Variants in NCAM1 observed in about 807,000 individuals in gnomAD.
NCAM1 encodes neural cell adhesion molecule 1.
In NCAM1, 14 loss-of-function variants were observed where a neutral mutation model predicts 109.8. The observed-to-expected ratio is 0.13, with a 90% CI of 0.08 to 0.20. The LOEUF (loss-of-function observed/expected upper bound fraction) is 0.20, where lower values mean the gene tolerates loss of function less well. Ranked by LOEUF, NCAM1 falls within the 10% of genes least tolerant of loss-of-function variation. The pLI is 1.00. For synonymous variants in NCAM1, 418 were observed against 442.9 expected (o/e 0.94, Z 0.70); for missense variants, 774 against 1,109.9 (o/e 0.70, Z 4.30).
At chr11:113,225,081 G>A (rs1591435347) in intron 9 of NCAM1, among the ~76,000 whole-genome samples, 1 of 152,350 alleles carries the variant, frequency 6.6e-6, no homozygotes, top group Non-Finnish European at 1.5e-5. Context: ...AAGCTGGATG[G>A]AGAATGACTT....
intron 9 of NCAM1, among the ~76,000 whole-genome samples, chr11:113,229,919 A>T (rs1420630772): frequency 6.7e-6 from 1 of 149,750 alleles, no homozygotes; most frequent in Non-Finnish European, 1.5e-5. Flanking sequence ...AACATCACAC[A>T]CTGGGGCCTG....
chr11:113,261,800 T>A (rs1487642099), intron 17 of NCAM1, among the ~76,000 whole-genome samples: 1 of 152,088 alleles, frequency 6.6e-6, no homozygotes, highest in African/African-American at 2.4e-5. Flanking sequence ...TGGCAATTGC[T>A]CCCTGGGGTG....
intron 1 of NCAM1, among the ~76,000 whole-genome samples, chr11:113,129,649 C>T (rs1332590603): frequency 6.6e-6 from 1 of 152,150 alleles, no homozygotes; most frequent in East Asian, 1.9e-4. Context: ...TGATCTTTCT[C>T]TACTCATGCC....
Position 113,236,461 on chromosome 11 carries a change from T to G in NCAM1, c.1825+1297T>G. 3.5e-6 allele frequency: 3 copies of G among 857,710 alleles called. No homozygotes were observed. In the South Asian group the frequency reaches 4.7e-5, roughly 13 times the overall value. 53.1% of individuals were successfully genotyped at this position (857,710 alleles called of 1,614,324 possible). On this transcript the variant is annotated intron_variant, in intron 14 of 19. Transcript: ENST00000316851. ...TGGGCCCTAACCACACTGACCTTAGTCTAGTTGTGCTGTTGTTAACGTCTG... is the reference window on the plus strand; with the variant it reads ...TGGGCCCTAACCACACTGACCTTAGGCTAGTTGTGCTGTTGTTAACGTCTG...
At chr11:112,976,420 C>T (rs2155286) in intron 1 of NCAM1, among the ~76,000 whole-genome samples, 23,477 of 151,420 alleles carry the variant, frequency 0.16, 1,908 homozygotes, top group African/African-American at 0.21. Flanking sequence ...ATTAAATGTA[C>T]AAAGGAGGAG....
At chr11:113,093,619 C>G (rs749497522) in intron 1 of NCAM1, among the ~76,000 whole-genome samples, 29 of 152,128 alleles carry the variant, frequency 1.9e-4, no homozygotes, top group Non-Finnish European at 3.7e-4. Flanking sequence ...TTTACGAACG[C>G]CCCATCTCTT....
At chr11:113,186,264 C>G (rs1036684339) in intron 1 of NCAM1, among the ~76,000 whole-genome samples, 3 of 152,158 alleles carry the variant, frequency 2.0e-5, no homozygotes, top group African/African-American at 7.2e-5. Context: ...GTCAGTTCAG[C>G]AGCAGCATTA....
intron 1 of NCAM1, among the ~76,000 whole-genome samples, chr11:113,190,266 G>A: frequency 6.6e-6 from 1 of 152,136 alleles, no homozygotes; most frequent in East Asian, 1.9e-4. Context: ...AAGGATTTTG[G>A]GACTTTTCTG....
At chr11:113,096,341 T>C (rs895092925) in intron 1 of NCAM1, among the ~76,000 whole-genome samples, 4 of 152,178 alleles carry the variant, frequency 2.6e-5, no homozygotes, top group African/African-American at 9.7e-5. Flanking sequence ...CAAGGGAGCC[T>C]GAGGAAGGGA....
At chr11:113,105,240 G>T (rs1940102715) in intron 1 of NCAM1, among the ~76,000 whole-genome samples, 1 of 152,202 alleles carries the variant, frequency 6.6e-6, no homozygotes, top group Admixed American at 6.5e-5. Flanking sequence ...AGCCCAGAGA[G>T]TTCTGCTGTG....
At chr11:113,250,662 G>A (rs1945649890) in intron 15 of NCAM1, among the ~76,000 whole-genome samples, 1 of 152,198 alleles carries the variant, frequency 6.6e-6, no homozygotes, top group Non-Finnish European at 1.5e-5. Flanking sequence ...AGTCTTATTT[G>A]ATAGGAAAAG....
intron 1 of NCAM1, among the ~76,000 whole-genome samples, chr11:113,113,900 G>T (rs1414893604): frequency 1.3e-5 from 2 of 152,168 alleles, no homozygotes; most frequent in African/African-American, 2.4e-5. Flanking sequence ...AAGAGGACTG[G>T]TGCTTTAGGA....
At chr11:113,057,314 T>A (rs1953747096) in intron 1 of NCAM1, among the ~76,000 whole-genome samples, 1 of 151,050 alleles carries the variant, frequency 6.6e-6, no homozygotes. Flanking sequence ...TTCTGGGAAC[T>A]GCCAGCAATG....
intron 15 of NCAM1, among the ~76,000 whole-genome samples, chr11:113,252,113 C>T (rs943616239): frequency 2.6e-5 from 4 of 152,118 alleles, no homozygotes; most frequent in African/African-American, 9.7e-5. Context: ...TATGAGCTTC[C>T]TGTAGAAATA....
intron 1 of NCAM1, among the ~76,000 whole-genome samples, chr11:113,055,328 T>A (rs1555082361): frequency 1.3e-5 from 2 of 152,222 alleles, no homozygotes; most frequent in African/African-American, 4.8e-5. Flanking sequence ...CTAGCTGATC[T>A]ACAGAGCCCG....
At chr11:113,234,009 T>C (rs1283877876) in intron 13 of NCAM1, among the ~76,000 whole-genome samples, 1 of 152,158 alleles carries the variant, frequency 6.6e-6, no homozygotes, top group Admixed American at 6.5e-5. Context: ...GAATTGGAAG[T>C]AGGCTGGGAT....
intron 1 of NCAM1, among the ~76,000 whole-genome samples, chr11:113,039,674 C>T (rs1226692277): frequency 6.6e-6 from 1 of 152,056 alleles, no homozygotes; most frequent in Non-Finnish European, 1.5e-5. Context: ...TTGTCTGGGG[C>T]CTAGACTCTA....
chr11:113,010,693 G>C (rs1399554048), intron 1 of NCAM1, among the ~76,000 whole-genome samples: 1 of 152,176 alleles, frequency 6.6e-6, no homozygotes, highest in Non-Finnish European at 1.5e-5. Flanking sequence ...AGAGTACCAA[G>C]TATTTAATTA....
chr11:113,089,763 G>A (rs1939256971), intron 1 of NCAM1, among the ~76,000 whole-genome samples: 1 of 152,210 alleles, frequency 6.6e-6, no homozygotes, highest in South Asian at 2.1e-4. Flanking sequence ...TGGAAAGGGA[G>A]AAGATGAAGA....
Sources: allele counts gnomAD v4.1 joint callset (sites outside exome capture counted in the v4.1 genomes callset), GRCh38; gene constraint gnomAD v4.1.1; transcripts MANE v1.5; gene names NCBI Gene and HGNC (gene_info 2026-07-23, HGNC 2026-07-21).